Variants in PACSIN1 observed in about 807,000 individuals in gnomAD.
PACSIN1 encodes protein kinase C and casein kinase substrate in neurons 1.
Under a neutral mutation model 59.5 loss-of-function variants are expected in PACSIN1, and 15 were observed. That is an observed-to-expected ratio of 0.25 (90% CI 0.17 to 0.39). PACSIN1 has a LOEUF of 0.39. Among genes scored for constraint, PACSIN1 ranks in the 10% least tolerant of loss-of-function variants. The pLI is 1.00. For synonymous variants in PACSIN1, 210 were observed against 220.6 expected (o/e 0.95, Z 0.42); for missense variants, 420 against 580.2 (o/e 0.72, Z 2.84).
At position 34,533,329 on chromosome 6, in the gene PACSIN1, C is replaced by T. The variant is rs978992918; in HGVS notation, c.*799C>T. ...ATCAGCACTTTCAGCATCGGCTCTTCAGCAGATCCAAACCCCCTCAGCAAC... is the reference window on the plus strand; with the variant it reads ...ATCAGCACTTTCAGCATCGGCTCTTTAGCAGATCCAAACCCCCTCAGCAAC... On this transcript the variant is annotated 3_prime_UTR_variant, in exon 10 of 10. Transcript: ENST00000244458. 1 of 152,330 alleles carries T rather than the reference C, an allele frequency of 6.6e-6. No individual in the cohort carries two copies. The highest frequency in any genetic ancestry group is 2.4e-5 in the African/African-American group (1 of 41,462). 9.4% of individuals were successfully genotyped at this position (152,330 alleles called of 1,614,324 possible).
At chr6:34,511,876 T>TA (rs1767208496) in intron 1 of PACSIN1, among the ~76,000 whole-genome samples, 1 of 151,834 alleles carries the variant, frequency 6.6e-6, no homozygotes, top group Admixed American at 6.6e-5. Context: ...GGGAGCTGGA[T>TA]AAGGAGGCAA....
chr6:34,495,782 G>C (rs1455824448), intron 1 of PACSIN1, among the ~76,000 whole-genome samples: 1 of 152,120 alleles, frequency 6.6e-6, no homozygotes, highest in Non-Finnish European at 1.5e-5. Flanking sequence ...AGGATATTTT[G>C]TTGCACACAC....
intron 1 of PACSIN1, among the ~76,000 whole-genome samples, chr6:34,478,303 CCCT>C (rs1278858257): frequency 2.0e-5 from 3 of 151,322 alleles, no homozygotes; most frequent in Non-Finnish European, 2.9e-5. Flanking sequence ...TAGTGATCCA[CCCT>C]CCTCGGCCTC....
rs928411795 is a variant in PACSIN1 at position 34,525,170 on chromosome 6, C to T, written c.-63-1073C>T. On this transcript the variant is annotated intron_variant, in intron 1 of 9. Coordinates refer to ENST00000244458, the MANE Select transcript of PACSIN1 (RefSeq NM_020804.5). The surrounding 1 kb of genome is among the most constrained non-coding windows in gnomAD (Gnocchi z 4.9). ...CCAGCCGTCCTCCCTCTCACCCACC[C>T]GCACTGTGCGTGAGTTTATGGGAAA... Among the ~76,000 whole-genome samples the T allele has an allele frequency of 6.6e-6, 1 of 152,218 alleles. No individual in the cohort carries two copies. The highest frequency in any genetic ancestry group is 2.4e-5 in the African/African-American group (1 of 41,446).
intron 1 of PACSIN1, among the ~76,000 whole-genome samples, chr6:34,472,448 A>G (rs1427921770): frequency 6.6e-5 from 10 of 152,088 alleles, no homozygotes; most frequent in African/African-American, 2.2e-4. Flanking sequence ...CTGGAGGGAG[A>G]ATGCGTCCTC....
Position 34,467,553 on chromosome 6 carries a change from CT to C in PACSIN1, c.-64+1305del, listed in dbSNP as rs61324041. ...GGTGGTTCTCTTTAGTAGGCCCTTC[CT>C]TTTTTTTTTTTTTTTTTTTTTGAGA... is the stretch of plus-strand genomic sequence containing the variant. On this transcript the variant is annotated intron_variant, in intron 1 of 9. Coordinates refer to ENST00000244458, the MANE Select transcript of PACSIN1 (RefSeq NM_020804.5). 5.3e-3 allele frequency among the ~76,000 whole-genome samples: 478 copies of C among 90,786 alleles called. 3 individuals are homozygous for C. The highest frequency in any genetic ancestry group is 0.035 in the Middle Eastern group (4 of 114). The allele number at this position is 90,786 out of a possible 152,430, so 59.6% of individuals were successfully genotyped here. A position where few individuals can be genotyped will look rare whatever the true frequency, so the allele number is the denominator to read the frequency against.
intron 1 of PACSIN1, among the ~76,000 whole-genome samples, chr6:34,519,996 C>T (rs141025900): frequency 4.9e-4 from 74 of 151,708 alleles, no homozygotes; most frequent in African/African-American, 1.8e-3. Context: ...GAGGGGTAGG[C>T]GAGGGCTGGG....
chr6:34,475,633 G>A (rs1351380507), intron 1 of PACSIN1, among the ~76,000 whole-genome samples: 1 of 152,190 alleles, frequency 6.6e-6, no homozygotes, highest in Non-Finnish European at 1.5e-5. Flanking sequence ...CTCCAGATGA[G>A]GCAGCTCCTG....
chr6:34,480,193 A>C (rs939972991), intron 1 of PACSIN1, among the ~76,000 whole-genome samples: 1 of 148,394 alleles, frequency 6.7e-6, no homozygotes, highest in Non-Finnish European at 1.5e-5. Flanking sequence ...TATTTGTAGC[A>C]TCAGTCCTTT....
chr6:34,508,844 GC>G (rs1424608802), intron 1 of PACSIN1, among the ~76,000 whole-genome samples: 1 of 152,044 alleles, frequency 6.6e-6, no homozygotes, highest in Admixed American at 6.6e-5. Context: ...GTCTGTTCAA[GC>G]CCTTTGCTCA....
Position 34,521,610 on chromosome 6 carries a change from T to A in PACSIN1, c.-63-4633T>A, listed in dbSNP as rs979748760. On this transcript the variant is annotated intron_variant, in intron 1 of 9. Transcript: ENST00000244458. The surrounding 1 kb of genome is among the most constrained non-coding windows in gnomAD (Gnocchi z 4.3). ...GAGCCCTGCACCCCCCAGTCTGCAC[T>A]TCACAGGCTGCATCATCCTCATGGA... is the stretch of plus-strand genomic sequence containing the variant. 4.6e-5 allele frequency among the ~76,000 whole-genome samples: 7 copies of A among 152,120 alleles called. No homozygotes were observed. The highest frequency in any genetic ancestry group is 8.8e-5 in the Non-Finnish European group (6 of 68,016).
intron 1 of PACSIN1, among the ~76,000 whole-genome samples, chr6:34,475,014 C>G (rs1766619371): frequency 6.6e-6 from 1 of 152,156 alleles, no homozygotes; most frequent in Non-Finnish European, 1.5e-5. Flanking sequence ...CACATCTCCA[C>G]CCACATCACC....
At chr6:34,478,491 G>A (rs1467353203) in intron 1 of PACSIN1, among the ~76,000 whole-genome samples, 1 of 150,856 alleles carries the variant, frequency 6.6e-6, no homozygotes, top group Non-Finnish European at 1.5e-5. Flanking sequence ...TCCTGCCTCA[G>A]GCTCCTGAGT....
intron 1 of PACSIN1, among the ~76,000 whole-genome samples, chr6:34,512,975 G>A (rs1397284905): frequency 6.6e-6 from 1 of 152,176 alleles, no homozygotes; most frequent in East Asian, 1.9e-4. Context: ...GCAAGGCCCT[G>A]TGACAGCCAA....
chr6:34,486,679 C>A (rs905501981), intron 1 of PACSIN1, among the ~76,000 whole-genome samples: 8 of 150,696 alleles, frequency 5.3e-5, no homozygotes, highest in African/African-American at 1.9e-4. Flanking sequence ...CTACTCCTGT[C>A]ACCCCTGCAG....
chr6:34,522,027 T>C (rs1767402070), intron 1 of PACSIN1, among the ~76,000 whole-genome samples: 1 of 152,190 alleles, frequency 6.6e-6, no homozygotes, highest in South Asian at 2.1e-4. Context: ...GGCTTACCTC[T>C]CTGAGTCTTG....
At chr6:34,526,422 G>A in intron 2 of PACSIN1, 54 bp downstream of exon 2, 1 of 1,460,274 alleles carries the variant, frequency 6.8e-7, no homozygotes, top group Non-Finnish European at 9.6e-7. Flanking sequence ...GCTGTTTGGA[G>A]GCCAGGCTCC....
intron 1 of PACSIN1, among the ~76,000 whole-genome samples, chr6:34,517,052 C>A (rs941926052): frequency 2.0e-5 from 3 of 152,160 alleles, no homozygotes; most frequent in Admixed American, 2.0e-4. Context: ...CATCTCAGGG[C>A]TCCAGAACTG....
chr6:34,478,986 A>G (rs1291981680), intron 1 of PACSIN1, among the ~76,000 whole-genome samples: 1 of 152,060 alleles, frequency 6.6e-6, no homozygotes, highest in African/African-American at 2.4e-5. Flanking sequence ...GGCAAGTGCA[A>G]AAGAGACAGA....
Sources: allele counts gnomAD v4.1 joint callset (sites outside exome capture counted in the v4.1 genomes callset), GRCh38; gene constraint gnomAD v4.1.1; non-coding constraint Gnocchi (gnomAD v3.1); transcripts MANE v1.5; gene names NCBI Gene and HGNC (gene_info 2026-07-23, HGNC 2026-07-21).